The following SLC6A3 variants were observed in gnomAD, a reference collection of about 807,000 sequenced individuals.
The protein encoded by SLC6A3 is solute carrier family 6 member 3, also known as sodium-dependent dopamine transporter.
Under a neutral mutation model 70.4 loss-of-function variants are expected in SLC6A3, and 19 were observed. That is an observed-to-expected ratio of 0.27 (90% CI 0.19 to 0.40). SLC6A3 has a LOEUF of 0.40. SLC6A3 is among the 10% of genes least tolerant of loss of function. The pLI is 1.00. For missense variants in SLC6A3, 613 were observed against 838.5 expected (o/e 0.73, Z 3.32); for synonymous variants, 368 against 356.6 (o/e 1.03, Z -0.36).
chr5:1,405,501 A>C lies in SLC6A3; in HGVS notation c.1599+687T>G, dbSNP rs993350442. 6.6e-6 allele frequency among the ~76,000 whole-genome samples: 1 copy of C among 152,208 alleles called. No individual in the cohort carries two copies. The highest frequency in any genetic ancestry group is 2.4e-5 in the African/African-American group (1 of 41,456). On this transcript the variant is annotated intron_variant, in intron 12 of 14. Coordinates refer to ENST00000270349, the MANE Select transcript of SLC6A3 (RefSeq NM_001044.5). This position sits in a 1 kb window ranked among gnomAD's most constrained non-coding sequence, Gnocchi z 5.3. ...GAGCAGCTCACGGGACACTCTGCTT[A>C]GACTTGGACAGCTCTTAGGTTGCCT... is the stretch of plus-strand genomic sequence containing the variant.
intron 7 of SLC6A3, 70 bp from the exon 8 acceptor site, chr5:1,414,885 T>C: frequency 6.2e-7 from 1 of 1,602,576 alleles, no homozygotes; most frequent in East Asian, 2.2e-5. Flanking sequence ...CAGTCATTAT[T>C]CTTAATTTAC....
rs1404505691 is a variant in SLC6A3 at position 1,438,989 on chromosome 5, A to G, written c.418+2370T>C. The stretch of plus-strand genomic sequence containing the variant: ...GCATCGCTTACGACTGCAGGCTCAG[A>G]GGCAGCACTCCTCTCTGAAACACGT... On this transcript the variant is annotated intron_variant, in intron 3 of 14. Coordinates refer to ENST00000270349, the MANE Select transcript of SLC6A3 (RefSeq NM_001044.5). This position sits in a 1 kb window ranked among gnomAD's most constrained non-coding sequence, Gnocchi z 6.5. Among the ~76,000 whole-genome samples the G allele has an allele frequency of 2.0e-5, 3 of 152,198 alleles. No individual in the cohort carries two copies. In the East Asian group the frequency reaches 5.8e-4, roughly 29 times the overall value.
At position 1,400,846 on chromosome 5, in the gene SLC6A3, C is replaced by A; in HGVS notation, c.1839+69G>T. The A allele has an allele frequency of 2.5e-6, 3 of 1,203,374 alleles. No individual in the cohort carries two copies. In the Admixed American group the frequency reaches 6.0e-5, roughly 24 times the overall value. The allele number at this position is 1,203,374 out of a possible 1,614,324, so 74.5% of individuals were successfully genotyped here. A position where few individuals can be genotyped will look rare whatever the true frequency, so the allele number is the denominator to read the frequency against. ...CACCAGCCTCGGAGCCCCCTGGGGG[C>A]TAAGAACACTGAGCTTGGGATCATT... is the stretch of plus-strand genomic sequence containing the variant. On this transcript the variant is annotated intron_variant, in intron 14 of 14. Transcript: ENST00000270349.
intron 14 of SLC6A3, among the ~76,000 whole-genome samples, chr5:1,398,248 C>A (rs1311374333): frequency 6.6e-6 from 1 of 151,722 alleles, no homozygotes; most frequent in African/African-American, 2.4e-5. Flanking sequence ...GTAATCCCAG[C>A]CACTTGAGAG....
chr5:1,407,784 A>G (rs1756020053), intron 11 of SLC6A3, among the ~76,000 whole-genome samples: 1 of 152,212 alleles, frequency 6.6e-6, no homozygotes, highest in Non-Finnish European at 1.5e-5. Context: ...TACGAGGTTG[A>G]TATTTCCGTT....
At position 1,432,567 on chromosome 5, in the gene SLC6A3, A is replaced by T; in HGVS notation, c.550T>A (p.Trp184Arg). 1 of 1,614,226 alleles carries T rather than the reference A, an allele frequency of 6.2e-7. No homozygotes were observed. The highest frequency in any genetic ancestry group is 8.5e-7 in the Non-Finnish European group (1 of 1,180,022). The change falls in exon 4 of 15, where the codon TGG becomes AGG. Residue 184 changes from tryptophan to arginine, a missense_variant. Physicochemically the swap from Trp to Arg is moderately radical, Grantham distance 101. This residue lies in a region of SLC6A3 where 153 missense variants were observed against 249.4 expected (regional missense o/e 0.61). Coordinates refer to ENST00000270349, the MANE Select transcript of SLC6A3 (RefSeq NM_001044.5). ...ELPWIHCNNS[W>R]NSPNCSDAHP... ...GCATCCGAGCAGTTGGGGCTGTTCC[A>T]GGAGTTGTTGCAGTGGATCCAGGGG...
intron 6 of SLC6A3, among the ~76,000 whole-genome samples, chr5:1,417,564 A>C (rs1756335499): frequency 6.6e-6 from 1 of 152,192 alleles, no homozygotes; most frequent in African/African-American, 2.4e-5. Flanking sequence ...ACAACTCTGG[A>C]CGTGAAAGGA....
rs1363104850 is a variant in SLC6A3 at position 1,437,830 on chromosome 5, C to T, written c.418+3529G>A. Among the ~76,000 whole-genome samples the T allele has an allele frequency of 6.6e-6, 1 of 152,380 alleles. No individual in the cohort carries two copies. The highest frequency in any genetic ancestry group is 1.9e-4 in the East Asian group (1 of 5,186). On this transcript the variant is annotated intron_variant, in intron 3 of 14. Transcript: ENST00000270349. This position sits in a 1 kb window ranked among gnomAD's most constrained non-coding sequence, Gnocchi z 4.8. ...TCAGGGCTGGATGGCCTTTTAGCTC[C>T]ACAATGATTGTTGTGGGCACTTTAG...
At position 1,400,903 on chromosome 5, in the gene SLC6A3, C is replaced by A. The variant is rs774338875; in HGVS notation, c.1839+12G>T. 2.5e-6 allele frequency: 4 copies of A among 1,570,506 alleles called. No individual in the cohort carries two copies. The African/African-American group carries it at 4.1e-5, about 16-fold the overall frequency. ...TCCCCCGAGAGAGGCCCAGCAGGGA[C>A]CTCGACCTCACCGTGAACTGGCGCA... On this transcript the variant is annotated intron_variant, in intron 14 of 14. Transcript: ENST00000270349.
At position 1,401,704 on chromosome 5, in the gene SLC6A3, AGGGCGCT is replaced by A. The variant is rs202232234; in HGVS notation, c.1768-725_1768-719del. Among the ~76,000 whole-genome samples the A allele has an allele frequency of 0.019, 2,955 of 152,304 alleles. 105 individuals are homozygous for A. The highest frequency in any genetic ancestry group is 0.066 in the African/African-American group (2,756 of 41,552). ...TCAGAGTTTGGCCATGCGAGGGGTA[AGGGCGCT>A]GGCTGTTCAGGTCCGCCGGGCTGTA... On this transcript the variant is annotated intron_variant, in intron 13 of 14. Coordinates refer to ENST00000270349, the MANE Select transcript of SLC6A3 (RefSeq NM_001044.5). The surrounding 1 kb of genome is among the most constrained non-coding windows in gnomAD (Gnocchi z 6.1).
chr5:1,421,675 G>T lies in SLC6A3; in HGVS notation c.792+201C>A, dbSNP rs1384028090. On this transcript the variant is annotated intron_variant, in intron 5 of 14. Transcript: ENST00000270349. This position sits in a 1 kb window ranked among gnomAD's most constrained non-coding sequence, Gnocchi z 7.2. ...CAGGTGTACCCTCAATCATGGCCAC[G>T]TGTACACTCCCAACCTGATTATGGC... 6.6e-6 allele frequency among the ~76,000 whole-genome samples: 1 copy of T among 151,704 alleles called. No homozygotes were observed. The highest frequency in any genetic ancestry group is 1.5e-5 in the Non-Finnish European group (1 of 67,950).
At chr5:1,422,636 A>ACG (rs575214214) in intron 4 of SLC6A3, among the ~76,000 whole-genome samples, 1 of 57,564 alleles carries the variant, frequency 1.7e-5, no homozygotes, top group African/African-American at 9.0e-5. Context: ...ACCGCTGCCC[A>ACG]GTGCTGCCCA....
intron 14 of SLC6A3, 87 bp downstream of exon 14, chr5:1,400,828 C>CCTG (rs1755831526): frequency 4.9e-6 from 5 of 1,022,546 alleles, no homozygotes; most frequent in African/African-American, 3.1e-5. Context: ...CTACACCAGC[C>CCTG]TCGGAGCCCC....
chr5:1,432,968 A>G (rs1266671713), intron 3 of SLC6A3, among the ~76,000 whole-genome samples: 3 of 152,054 alleles, frequency 2.0e-5, no homozygotes, highest in Admixed American at 6.5e-5. Flanking sequence ...TCTCTGAGAG[A>G]CATCCAGAGC....
At chr5:1,441,309 C>T (rs377279136) in intron 3 of SLC6A3, 50 bp downstream of exon 3, 69 of 1,611,810 alleles carry the variant, frequency 4.3e-5, no homozygotes, top group Non-Finnish European at 5.0e-5. Context: ...TCCAGCGTCA[C>T]CACCATGATC....
At position 1,414,460 on chromosome 5, in the gene SLC6A3, G is replaced by A. The variant is rs112043156; in HGVS notation, c.1156+231C>T. Among the ~76,000 whole-genome samples, 1,134 of 55,292 alleles carry A rather than the reference G, an allele frequency of 0.021. 17 individuals carry two copies. The highest frequency in any genetic ancestry group is 0.061 in the African/African-American group (500 of 8,216). 36.3% of individuals were successfully genotyped at this position (55,292 alleles called of 152,430 possible). A position where few individuals can be genotyped will look rare whatever the true frequency, so the allele number is the denominator to read the frequency against. On this transcript the variant is annotated intron_variant, in intron 8 of 14. Transcript: ENST00000270349. ...GGTGGGGGGCCGGGAGGGGCAGGGC[G>A]GGGAAGGCGCTGGGTGGGGGGCCTG...
chr5:1,411,451 G>A lies in SLC6A3; in HGVS notation c.1157-96C>T, dbSNP rs970887380. 10 of 898,222 alleles carry A rather than the reference G, an allele frequency of 1.1e-5. No individual in the cohort carries two copies. The highest frequency in any genetic ancestry group is 1.6e-5 in the Non-Finnish European group (9 of 556,392). The allele number at this position is 898,222 out of a possible 1,614,324, so 55.6% of individuals were successfully genotyped here. On this transcript the variant is annotated intron_variant, in intron 8 of 14. Transcript: ENST00000270349. The surrounding 1 kb of genome is among the most constrained non-coding windows in gnomAD (Gnocchi z 6.5). Reference sequence around the variant, plus strand: ...CCCCGAGAAGCATGGCCTGCCACAGGCCTGTAGAGACTAGGGCTGGTGCGG... The same window carrying A: ...CCCCGAGAAGCATGGCCTGCCACAGACCTGTAGAGACTAGGGCTGGTGCGG...
chr5:1,400,856 T>C, intron 14 of SLC6A3, 59 bp downstream of exon 14: 1 of 1,329,388 alleles, frequency 7.5e-7, no homozygotes, highest in South Asian at 1.3e-5. Flanking sequence ...CTAAGAACAC[T>C]GAGCTTGGGA....
rs755363921 is a variant in SLC6A3 at position 1,421,897 on chromosome 5, C to A, written c.771G>T (p.Lys257Asn). ...TCACCTTCCCTGAGGTCTTCACGCC[C>A]TTCCAGAGGCTGAAGTAGAGCAGCA... ...VIVLLYFSLWKGVKTSGKVVW... is the reference protein window; with the variant it reads ...VIVLLYFSLWNGVKTSGKVVW... The change falls in exon 5 of 15, where the codon AAG becomes AAT. Residue 257 changes from lysine to asparagine, a missense_variant. Around this residue, in one of 4 missense-constraint regions of SLC6A3, gnomAD observed 153 missense variants for 249.4 expected, o/e 0.61. Coordinates refer to ENST00000270349, the MANE Select transcript of SLC6A3 (RefSeq NM_001044.5). This position sits in a 1 kb window ranked among gnomAD's most constrained non-coding sequence, Gnocchi z 7.2. 1 of 1,613,340 alleles carries A rather than the reference C, an allele frequency of 6.2e-7. No homozygotes were observed. The highest frequency in any genetic ancestry group is 8.5e-7 in the Non-Finnish European group (1 of 1,180,040).
Sources: allele counts gnomAD v4.1 joint callset (sites outside exome capture counted in the v4.1 genomes callset), GRCh38; gene constraint gnomAD v4.1.1; regional missense constraint gnomAD v4.1.1; non-coding constraint Gnocchi (gnomAD v3.1); transcripts MANE v1.5; gene names NCBI Gene and HGNC (gene_info 2026-07-23, HGNC 2026-07-21).